Variants in SGCZ observed in about 807,000 individuals in gnomAD.
SGCZ encodes the protein zeta-sarcoglycan.
SGCZ carries 40 observed loss-of-function variants against 41.3 expected under a neutral mutation model. That is an observed-to-expected ratio of 0.97 (90% CI 0.75 to 1.26). The LOEUF is 1.26. SGCZ is among the 50% of genes most tolerant of loss of function. SGCZ has a pLI of 0.00. For synonymous variants in SGCZ, 206 were observed against 137.5 expected (o/e 1.50, Z -3.49); for missense variants, 552 against 369.8 (o/e 1.49, Z -4.04).
intron 1 of SGCZ, among the ~76,000 whole-genome samples, chr8:15,231,656 C>G (rs1304182021): frequency 8.8e-6 from 1 of 114,176 alleles, no homozygotes; most frequent in Non-Finnish European, 1.6e-5. Flanking sequence ...GGTTCTCACT[C>G]TGTCACCCAG....
intron 1 of SGCZ, chr8:14,879,255 G>GA (rs1189815453): frequency 1.3e-5 from 2 of 152,118 alleles, no homozygotes; most frequent in African/African-American, 4.8e-5. Flanking sequence ...TTAAGCCTGG[G>GA]AGATTGAGGC....
chr8:14,458,643 G>A (rs11995070), intron 2 of SGCZ, among the ~76,000 whole-genome samples: 5,390 of 152,196 alleles, frequency 0.035, 296 homozygotes, highest in African/African-American at 0.12. Flanking sequence ...GTAGCAACAT[G>A]TGGACTAGGA....
At chr8:14,896,661 G>C (rs1456093651) in intron 1 of SGCZ, among the ~76,000 whole-genome samples, 2 of 151,802 alleles carry the variant, frequency 1.3e-5, no homozygotes, top group Non-Finnish European at 1.5e-5. Context: ...ATTTTCAGGA[G>C]AGACGGGGTT....
At chr8:15,075,819 T>C (rs967764666) in intron 1 of SGCZ, among the ~76,000 whole-genome samples, 13 of 152,198 alleles carry the variant, frequency 8.5e-5, no homozygotes, top group African/African-American at 3.1e-4. Context: ...TGAAGTCTAA[T>C]TTGCTCAAAA....
intron 1 of SGCZ, among the ~76,000 whole-genome samples, chr8:15,031,220 G>T (rs1392588916): frequency 6.6e-6 from 1 of 152,000 alleles, no homozygotes; most frequent in Non-Finnish European, 1.5e-5. Flanking sequence ...TTATTTCCCA[G>T]GATGGCAGAA....
At chr8:14,966,463 A>G (rs1240373308) in intron 1 of SGCZ, among the ~76,000 whole-genome samples, 1 of 152,014 alleles carries the variant, frequency 6.6e-6, no homozygotes, top group Non-Finnish European at 1.5e-5. Context: ...CTAGGGGAAT[A>G]AAAGATTACA....
At chr8:14,420,959 C>T (rs1037217449) in intron 2 of SGCZ, among the ~76,000 whole-genome samples, 1 of 152,064 alleles carries the variant, frequency 6.6e-6, no homozygotes, top group African/African-American at 2.4e-5. Flanking sequence ...TACAATATGT[C>T]TTTAGAGAGG....
chr8:15,204,253 T>C (rs1346820822), intron 1 of SGCZ, among the ~76,000 whole-genome samples: 1 of 152,090 alleles, frequency 6.6e-6, no homozygotes, highest in East Asian at 1.9e-4. Context: ...CAGTACACAA[T>C]CAATACATTC....
chr8:15,028,018 G>C (rs1255892513), intron 1 of SGCZ, among the ~76,000 whole-genome samples: 2 of 152,016 alleles, frequency 1.3e-5, no homozygotes, highest in African/African-American at 2.4e-5. Flanking sequence ...TAACTAGTAA[G>C]TAAATGGTAG....
chr8:15,033,255 C>T (rs954925075), intron 1 of SGCZ, among the ~76,000 whole-genome samples: 3 of 151,876 alleles, frequency 2.0e-5, no homozygotes, highest in Non-Finnish European at 4.4e-5. Context: ...AGCCCAACAC[C>T]CACACACCCA....
intron 1 of SGCZ, among the ~76,000 whole-genome samples, chr8:14,891,698 C>G: frequency 1.3e-5 from 2 of 152,128 alleles, no homozygotes; most frequent in East Asian, 3.9e-4. Flanking sequence ...AAAATGCTAT[C>G]AAACGGAGAG....
intron 1 of SGCZ, among the ~76,000 whole-genome samples, chr8:14,815,776 A>T (rs1323841170): frequency 1.3e-5 from 2 of 152,190 alleles, no homozygotes; most frequent in African/African-American, 4.8e-5. Context: ...ATACTATCTG[A>T]TAATATGTGA....
chr8:15,190,804 A>G (rs747249604), intron 1 of SGCZ, among the ~76,000 whole-genome samples: 2 of 152,112 alleles, frequency 1.3e-5, no homozygotes, highest in Non-Finnish European at 2.9e-5. Context: ...TTTAGTAACT[A>G]TAACACGATA....
At chr8:14,718,906 G>A (rs1413782071) in intron 1 of SGCZ, among the ~76,000 whole-genome samples, 2 of 147,864 alleles carry the variant, frequency 1.4e-5, no homozygotes, top group Admixed American at 6.8e-5. Context: ...ACCATGTGCA[G>A]GTTAGTTACA....
chr8:15,110,174 G>T (rs899336290), intron 1 of SGCZ, among the ~76,000 whole-genome samples: 2 of 152,158 alleles, frequency 1.3e-5, no homozygotes, highest in African/African-American at 4.8e-5. Flanking sequence ...TGAATTACAG[G>T]AATGGATTCC....
At chr8:15,002,804 A>G (rs899703637) in intron 1 of SGCZ, among the ~76,000 whole-genome samples, 4 of 152,210 alleles carry the variant, frequency 2.6e-5, no homozygotes, top group African/African-American at 9.6e-5. Flanking sequence ...GCCAGCTGAT[A>G]TGATTTGGCT....
intron 1 of SGCZ, among the ~76,000 whole-genome samples, chr8:15,203,866 A>T (rs1380848798): frequency 6.6e-6 from 1 of 152,236 alleles, no homozygotes; most frequent in Non-Finnish European, 1.5e-5. Context: ...CACAATTTAC[A>T]AACAATTCAA....
chr8:15,203,721 C>T (rs1800970100), intron 1 of SGCZ, among the ~76,000 whole-genome samples: 1 of 152,104 alleles, frequency 6.6e-6, no homozygotes, highest in African/African-American at 2.4e-5. Flanking sequence ...TTCGGAAAGT[C>T]ATTTTCAAAA....
At chr8:15,203,722 A>C (rs1800970161) in intron 1 of SGCZ, among the ~76,000 whole-genome samples, 1 of 152,212 alleles carries the variant, frequency 6.6e-6, no homozygotes, top group Admixed American at 6.5e-5. Context: ...TCGGAAAGTC[A>C]TTTTCAAAAA....
Sources: gnomAD v4.1 joint callset for allele counts (sites outside exome capture counted in the v4.1 genomes callset) on GRCh38, gnomAD v4.1.1 for gene constraint, MANE v1.5 for transcripts, NCBI Gene and HGNC (gene_info 2026-07-23, HGNC 2026-07-21) for gene names.